The following VAT1L variants were observed in gnomAD, a reference collection of about 807,000 sequenced individuals.
The protein encoded by VAT1L is putative NADPH-dependent quinone oxidoreductase VAT1L.
VAT1L carries 34 observed loss-of-function variants against 44.1 expected under a neutral mutation model. That is an observed-to-expected ratio of 0.77 (90% CI 0.59 to 1.03). The LOEUF (loss-of-function observed/expected upper bound fraction) is 1.03. Ranked by LOEUF, VAT1L falls within the 50% of genes least tolerant of loss-of-function variation. VAT1L has a pLI of 0.00. For missense variants in VAT1L, 615 were observed against 538.8 expected, an observed-to-expected ratio of 1.14 and a Z score of -1.40; for synonymous variants, 253 against 202.2, an observed-to-expected ratio of 1.25 and a Z score of -2.13.
intron 3 of VAT1L, among the ~76,000 whole-genome samples, chr16:77,858,786 G>A (rs1022958719): frequency 2.6e-5 from 4 of 151,976 alleles, no homozygotes; most frequent in African/African-American, 9.7e-5. Flanking sequence ...ATTACTTGAG[G>A]CCAGGAATTC....
chr16:77,912,397 A>C (rs2017508161), intron 7 of VAT1L, among the ~76,000 whole-genome samples: 1 of 152,134 alleles, frequency 6.6e-6, no homozygotes, highest in Non-Finnish European at 1.5e-5. Flanking sequence ...ATAATGGTTG[A>C]GGCTGAGTGA....
intron 1 of VAT1L, among the ~76,000 whole-genome samples, chr16:77,809,996 T>G (rs1597171839): frequency 6.6e-6 from 1 of 152,306 alleles, no homozygotes; most frequent in African/African-American, 2.4e-5. Flanking sequence ...AGAATTAATT[T>G]TTTTTGATGA....
intron 3 of VAT1L, among the ~76,000 whole-genome samples, chr16:77,852,382 G>A (rs548432731): frequency 1.1e-4 from 17 of 152,228 alleles, no homozygotes; most frequent in Non-Finnish European, 4.4e-5. Flanking sequence ...ACCCAGCTGA[G>A]GGGGATCTGA....
rs1597072298 is a variant in VAT1L, at chr16:77,862,680, C to A, written c.580-68C>A. 1.1e-5 allele frequency: 13 copies of A among 1,133,336 alleles called. No homozygotes were observed. In the East Asian group the frequency reaches 1.8e-4, roughly 16 times the overall value. 70.2% of individuals were successfully genotyped at this position (1,133,336 alleles called of 1,614,324 possible). A position where few individuals can be genotyped will look rare whatever the true frequency, so the allele number is the denominator to read the frequency against. ...GTGCCGATGGAGAAATCCTGCTCTA[C>A]ACCCAGCAAGACTGGCTATGATCTG... is the stretch of plus-strand genomic sequence containing the variant. On this transcript the variant is annotated intron_variant, in intron 3 of 8. Coordinates refer to ENST00000302536, the MANE Select transcript of VAT1L (RefSeq NM_020927.3).
chr16:77,903,412 A>C (rs187062233), intron 7 of VAT1L, among the ~76,000 whole-genome samples: 1 of 152,322 alleles, frequency 6.6e-6, no homozygotes, highest in African/African-American at 2.4e-5. Flanking sequence ...CATATAATAC[A>C]GTCTTCCTGA....
chr16:77,789,121 C>A lies in VAT1L; in HGVS notation c.233+206C>A, dbSNP rs901868214. On this transcript the variant is annotated intron_variant, in intron 1 of 8. Coordinates refer to ENST00000302536, the MANE Select transcript of VAT1L (RefSeq NM_020927.3). ...CTCCCCAAGCCAGATCTAGGGGTGA[C>A]GGGAGGAGAATGTGAGCTCCTGGGC... Among the ~76,000 whole-genome samples, 12 of 152,004 alleles carry A rather than the reference C, an allele frequency of 7.9e-5. 1 individual carries two copies. The highest frequency in any genetic ancestry group is 5.9e-4 in the Admixed American group (9 of 15,278).
At chr16:77,875,563 TG>T (rs1394844723) in intron 4 of VAT1L, among the ~76,000 whole-genome samples, 1 of 152,064 alleles carries the variant, frequency 6.6e-6, no homozygotes, top group East Asian at 1.9e-4. Context: ...GTTCTAAGAG[TG>T]GGAGCCCAGT....
chr16:77,845,437 C>T (rs1232921667), intron 3 of VAT1L, among the ~76,000 whole-genome samples: 2 of 152,282 alleles, frequency 1.3e-5, no homozygotes, highest in East Asian at 1.9e-4. Flanking sequence ...TTGTTGTTCA[C>T]AGGGGTAAGC....
At chr16:77,926,513 G>A (rs1481033206) in intron 7 of VAT1L, among the ~76,000 whole-genome samples, 1 of 152,110 alleles carries the variant, frequency 6.6e-6, no homozygotes, top group Non-Finnish European at 1.5e-5. Context: ...GAACCTGGGA[G>A]GCAGAGGTTG....
chr16:77,867,960 A>G (rs2016992770), intron 4 of VAT1L, among the ~76,000 whole-genome samples: 1 of 151,816 alleles, frequency 6.6e-6, no homozygotes. Flanking sequence ...TTGTTTTTTC[A>G]TTTATTCTGT....
At chr16:77,956,910 G>C (rs188588163) in intron 7 of VAT1L, among the ~76,000 whole-genome samples, 1 of 152,318 alleles carries the variant, frequency 6.6e-6, no homozygotes, top group Admixed American at 6.5e-5. Context: ...GTAGACAACA[G>C]TTATATATGG....
At chr16:77,837,441 A>G (rs956070366) in intron 3 of VAT1L, among the ~76,000 whole-genome samples, 2 of 152,184 alleles carry the variant, frequency 1.3e-5, no homozygotes, top group African/African-American at 4.8e-5. Context: ...TCCTGTGTCC[A>G]TGAAATTAAA....
At chr16:77,904,542 C>T (rs2142479327) in intron 7 of VAT1L, among the ~76,000 whole-genome samples, 1 of 152,302 alleles carries the variant, frequency 6.6e-6, no homozygotes, top group East Asian at 1.9e-4. Flanking sequence ...TATAAGGGCA[C>T]TAATCCCATC....
chr16:77,917,740 A>C (rs1422929705), intron 7 of VAT1L, among the ~76,000 whole-genome samples: 1 of 152,164 alleles, frequency 6.6e-6, no homozygotes, highest in Non-Finnish European at 1.5e-5. Context: ...AGTAAATTCC[A>C]GAGAATGTAA....
intron 3 of VAT1L, among the ~76,000 whole-genome samples, chr16:77,858,662 G>T (rs2016885276): frequency 6.6e-6 from 1 of 152,140 alleles, no homozygotes; most frequent in Non-Finnish European, 1.5e-5. Flanking sequence ...CTCTAGTGGT[G>T]TTGGAGCAGA....
chr16:77,800,242 A>C (rs561922991), intron 1 of VAT1L: 3 of 152,328 alleles, frequency 2.0e-5, no homozygotes, highest in Admixed American at 2.0e-4. Context: ...CTGAGTTCTC[A>C]CGATGCTCTG....
chr16:77,789,552 A>C (rs1212563036), intron 1 of VAT1L, among the ~76,000 whole-genome samples: 1 of 152,098 alleles, frequency 6.6e-6, no homozygotes, highest in African/African-American at 2.4e-5. Context: ...CCTCCTGCCC[A>C]CTTCCTTCCC....
At chr16:77,819,922 A>G (rs779065977) in intron 2 of VAT1L, among the ~76,000 whole-genome samples, 7 of 152,158 alleles carry the variant, frequency 4.6e-5, no homozygotes, top group Non-Finnish European at 8.8e-5. Flanking sequence ...CTCATTTTCC[A>G]TGCACCATGT....
chr16:77,813,955 T>G (rs544568654), intron 1 of VAT1L, among the ~76,000 whole-genome samples: 2 of 152,314 alleles, frequency 1.3e-5, no homozygotes, highest in South Asian at 4.1e-4. Context: ...AAGTTCCCCT[T>G]AAAGAGGTAG....
Sources: gnomAD v4.1 joint callset for allele counts (sites outside exome capture counted in the v4.1 genomes callset) on GRCh38, gnomAD v4.1.1 for gene constraint, MANE v1.5 for transcripts, NCBI Gene and HGNC (gene_info 2026-07-23, HGNC 2026-07-21) for gene names.